Variants in ZNF91 observed in about 807,000 individuals in gnomAD.
The protein encoded by ZNF91 is zinc finger protein 91, also known as zinc finger protein 91 (HPF7, HTF10).
A neutral mutation model predicts 12.6 loss-of-function variants in ZNF91; 7 were observed. The observed-to-expected ratio is 0.55, with a 90% CI of 0.31 to 1.04. The LOEUF is 1.04. Ranked by LOEUF, ZNF91 falls within the 50% of genes least tolerant of loss-of-function variation. ZNF91 has a pLI of 0.05. For missense variants in ZNF91, 1,217 were observed against 1,385.4 expected (o/e 0.88, Z 1.93); for synonymous variants, 453 against 462.6 (o/e 0.98, Z 0.27).
chr19:23,335,204 A>C (rs1034897399), downstream of ZNF91, among the ~76,000 whole-genome samples: 2 of 152,054 alleles, frequency 1.3e-5, no homozygotes, highest in Non-Finnish European at 2.9e-5. Flanking sequence ...TCAGAGGGGC[A>C]CCCGGCTGTA....
intron 1 of ZNF91, among the ~76,000 whole-genome samples, chr19:23,386,972 C>T (rs113103906): frequency 1.3e-4 from 20 of 152,128 alleles, no homozygotes; most frequent in African/African-American, 4.8e-4. Flanking sequence ...GAAAAAATAC[C>T]TCATTAAAAA....
At chr19:23,388,412 A>G (rs1969947332) in intron 1 of ZNF91, among the ~76,000 whole-genome samples, 1 of 152,246 alleles carries the variant, frequency 6.6e-6, no homozygotes, top group Non-Finnish European at 1.5e-5. Flanking sequence ...GAGGCTGAAT[A>G]GCCAAAGTAA....
At chr19:23,373,387 A>ATATATATATATATATATATATAT (rs1568395319) in intron 3 of ZNF91, among the ~76,000 whole-genome samples, 3 of 78,042 alleles carry the variant, frequency 3.8e-5, no homozygotes, top group Non-Finnish European at 9.1e-5. Flanking sequence ...TATATATATA[A>ATATATATATATATATATATATAT]ATAAACAGTA....
intron 1 of ZNF91, chr19:23,384,891 C>T: frequency 1.3e-6 from 1 of 763,596 alleles, no homozygotes; most frequent in Middle Eastern, 2.3e-4. Flanking sequence ...TCATGTTGCT[C>T]TTATTGTCAC....
intron 1 of ZNF91, among the ~76,000 whole-genome samples, chr19:23,379,646 G>C (rs1362112313): frequency 6.6e-6 from 1 of 152,192 alleles, no homozygotes; most frequent in African/African-American, 2.4e-5. Flanking sequence ...GACAAAATAA[G>C]CTTTTCACAT....
chr19:23,314,101 C>A (rs1967512444), upstream of ZNF91, among the ~76,000 whole-genome samples: 1 of 152,102 alleles, frequency 6.6e-6, no homozygotes, highest in South Asian at 2.1e-4. Context: ...CCCCTAGCAC[C>A]TAGGGTGTAT....
chr19:23,359,474 C>T lies in ZNF91; in HGVS notation c.3505G>A (p.Glu1169Lys), dbSNP rs748622890. ...TPVIPLLWEA[E>K]AGGSRGQEME... is the part of the protein sequence containing the mutation. ...TCCTGACCTCGTGATCCGCCCGCCT[C>T]GGCCTCCCAAAGTAGTGGGATTACA... The change falls in exon 4 of 4, where the codon GAG becomes AAG. Residue 1169 changes from glutamate to lysine, a missense_variant. Transcript: ENST00000300619. 29 of 1,594,100 alleles carry T rather than the reference C, an allele frequency of 1.8e-5. No homozygotes were observed. Among genetic ancestry groups the T allele is most frequent in the Middle Eastern group, 1.7e-4 (1 of 6,036 alleles).
At chr19:23,368,624 T>C (rs1794900444) in intron 3 of ZNF91, among the ~76,000 whole-genome samples, 1 of 150,192 alleles carries the variant, frequency 6.7e-6, no homozygotes, top group Non-Finnish European at 1.5e-5. Flanking sequence ...CAACATTAAA[T>C]GCATGAGCAA....
chr19:23,394,238 A>C (rs1196980602), intron 1 of ZNF91, among the ~76,000 whole-genome samples: 2 of 152,262 alleles, frequency 1.3e-5, no homozygotes, highest in Non-Finnish European at 1.5e-5. Flanking sequence ...TTTGAGTGTG[A>C]GAAAAATTAA....
At position 23,359,932 on chromosome 19, in the gene ZNF91, T is replaced by G; in HGVS notation, c.3047A>C (p.His1016Pro). The G allele has an allele frequency of 6.3e-7, 1 of 1,588,666 alleles. No homozygotes were observed. The highest frequency in any genetic ancestry group is 8.6e-7 in the Non-Finnish European group (1 of 1,160,444). ...ACATTTGTATGGTTTCTCTCCAGTG[T>G]GCATCCTCGTATGTCTAGTTAGGGT... ...SSTLTRHTRM[H>P]TGEKPYKCEE... The change falls in exon 4 of 4, where the codon CAC becomes CCC. Residue 1016 changes from histidine (H) to proline (P), a missense_variant. By Grantham distance (77) the His-to-Pro change is moderately conservative. This residue lies in a region of ZNF91 where 491 missense variants were observed against 489.8 expected (regional missense o/e 1.00). Transcript: ENST00000300619.
chr19:23,331,287 T>TTAAA (rs35584708), intron 1 of ZNF91, among the ~76,000 whole-genome samples: 74,136 of 151,672 alleles, frequency 0.49, 19,032 homozygotes, highest in East Asian at 0.84. Flanking sequence ...AGGAAATTAA[T>TTAAA]TAAGTTAATA....
downstream of ZNF91, among the ~76,000 whole-genome samples, chr19:23,353,517 C>T (rs1017790719): frequency 2.6e-5 from 4 of 152,014 alleles, no homozygotes; most frequent in East Asian, 1.9e-4. Context: ...AAAGCAAAAA[C>T]GGAAAATCTA....
At chr19:23,373,374 AT>A (rs1568395230) in intron 3 of ZNF91, among the ~76,000 whole-genome samples, 20 of 86,528 alleles carry the variant, frequency 2.3e-4, no homozygotes, top group African/African-American at 7.8e-4. Context: ...ATATATATAT[AT>A]ATATATATAT....
At chr19:23,370,802 C>T (rs748596529) in intron 3 of ZNF91, among the ~76,000 whole-genome samples, 1 of 152,048 alleles carries the variant, frequency 6.6e-6, no homozygotes, top group Non-Finnish European at 1.5e-5. Context: ...CACCACCATG[C>T]CTGGCCCTGA....
intron 1 of ZNF91, chr19:23,326,491 C>A (rs1967840340): frequency 1.3e-5 from 2 of 152,102 alleles, no homozygotes; most frequent in East Asian, 3.9e-4. Flanking sequence ...CCACGTCCAG[C>A]TAATTTTTGT....
intron 3 of ZNF91, among the ~76,000 whole-genome samples, chr19:23,372,160 T>C (rs1969305466): frequency 6.6e-6 from 1 of 151,728 alleles, no homozygotes; most frequent in Non-Finnish European, 1.5e-5. Context: ...AATCCAAAAC[T>C]ACAGACAAAT....
At chr19:23,395,272 G>A (rs1312778208) in intron 1 of ZNF91, 53 bp downstream of exon 1, 16 of 1,602,626 alleles carry the variant, frequency 1.0e-5, no homozygotes, top group Non-Finnish European at 1.4e-5. Context: ...GCATCCCACC[G>A]GTTTCAACGA....
At chr19:23,323,556 TTTTTC>T (rs1378058157) in intron 1 of ZNF91, among the ~76,000 whole-genome samples, 3 of 150,448 alleles carry the variant, frequency 2.0e-5, no homozygotes, top group Non-Finnish European at 4.4e-5. Flanking sequence ...CTCCTCTTCC[TTTTTC>T]CTTTTCCTCT....
rs527352508 is a variant in ZNF91, at chr19:23,309,407, C to T, written n.17-310G>A. On this transcript the variant is annotated intron_variant and non_coding_transcript_variant, in intron 1 of 3. Coordinates refer to the ZNF91 transcript ENST00000593292. ...TGTGTCTTTCATGCCTGGGTATTAC[C>T]CAAAGGTAACAGTGTGACATATCAT... Among the ~76,000 whole-genome samples, 348 of 152,128 alleles carry T rather than the reference C, an allele frequency of 2.3e-3. 1 individual carries two copies. Among genetic ancestry groups the T allele is most frequent in the African/African-American group, 6.7e-3 (280 of 41,512 alleles).
Sources: allele counts gnomAD v4.1 joint callset (sites outside exome capture counted in the v4.1 genomes callset), GRCh38; gene constraint gnomAD v4.1.1; regional missense constraint gnomAD v4.1.1; transcripts MANE v1.5; gene names NCBI Gene and HGNC (gene_info 2026-07-23, HGNC 2026-07-21).